GMPS: variants seen among roughly 807,000 people sequenced by gnomAD.
GMPS encodes the protein guanosine monophosphate synthase.
In GMPS, 15 loss-of-function variants were observed where a neutral mutation model predicts 77.9. The observed-to-expected ratio is 0.19, with a 90% CI of 0.13 to 0.30. GMPS has a LOEUF of 0.30. Among genes scored for constraint, GMPS ranks in the 10% least tolerant of loss-of-function variants. GMPS has a pLI of 1.00. For synonymous variants in GMPS, 224 were observed against 275.9 expected (o/e 0.81, Z 1.86); for missense variants, 590 against 838.8 (o/e 0.70, Z 3.66).
At chr3:155,904,833 T>A (rs921426010) in intron 4 of GMPS, among the ~76,000 whole-genome samples, 16 of 152,176 alleles carry the variant, frequency 1.1e-4, no homozygotes, top group Non-Finnish European at 1.9e-4. Context: ...GGTTAAGATT[T>A]GACATTTTTC....
chr3:155,910,896 T>A lies in GMPS; in HGVS notation c.720+11T>A. On this transcript the variant is annotated intron_variant, in intron 6 of 15. Transcript: ENST00000496455. ...ACGTCAAAAGTTTTGGTAAGCAAAT[T>A]ATTATCTGGAAGTCTACAAATTTAT... The A allele has an allele frequency of 6.5e-7, 1 of 1,533,998 alleles. No homozygotes were observed. The highest frequency in any genetic ancestry group is 8.9e-7 in the Non-Finnish European group (1 of 1,128,484).
At chr3:155,936,538 C>T (rs376990283) in intron 15 of GMPS, 28 bp downstream of exon 15, 32 of 1,303,168 alleles carry the variant, frequency 2.5e-5, no homozygotes, top group African/African-American at 2.0e-4. Context: ...TTCTAATGCA[C>T]GTTCTCAGTA....
intron 11 of GMPS, among the ~76,000 whole-genome samples, chr3:155,924,581 T>C (rs1284829538): frequency 1.3e-5 from 2 of 151,888 alleles, no homozygotes; most frequent in South Asian, 2.1e-4. Context: ...AAAGAGGAAA[T>C]AAATGAGCTG....
At chr3:155,897,689 A>G (rs1190336551) in intron 2 of GMPS, among the ~76,000 whole-genome samples, 2 of 152,258 alleles carry the variant, frequency 1.3e-5, no homozygotes, top group Admixed American at 6.5e-5. Flanking sequence ...GTTTGTGCTT[A>G]TTAACAAGTA....
At chr3:155,933,794 T>G (rs1304529156) in intron 13 of GMPS, among the ~76,000 whole-genome samples, 2 of 152,190 alleles carry the variant, frequency 1.3e-5, no homozygotes, top group African/African-American at 4.8e-5. Context: ...CCTGATTCCC[T>G]CTTGTTTTCT....
intron 1 of GMPS, among the ~76,000 whole-genome samples, chr3:155,893,297 A>C (rs1754518360): frequency 6.6e-6 from 1 of 152,246 alleles, no homozygotes; most frequent in African/African-American, 2.4e-5. Context: ...ATAGTCAATA[A>C]GTGGTAAGAT....
At chr3:155,874,601 A>T (rs1231052638) in intron 1 of GMPS, among the ~76,000 whole-genome samples, 1 of 152,132 alleles carries the variant, frequency 6.6e-6, no homozygotes, top group East Asian at 1.9e-4. Flanking sequence ...TGCTGCAGAC[A>T]AAAGGAATGG....
intron 4 of GMPS, 124 bp from the exon 5 acceptor site, chr3:155,906,036 T>C (rs1371226343): frequency 7.7e-6 from 4 of 522,562 alleles, no homozygotes; most frequent in Non-Finnish European, 1.3e-5. Context: ...CAGTATTCCA[T>C]TGTCACTTTT....
At chr3:155,919,081 T>C (rs1755255673) in intron 9 of GMPS, among the ~76,000 whole-genome samples, 152 bp from the exon 10 acceptor site, 2 of 152,226 alleles carry the variant, frequency 1.3e-5, no homozygotes, top group Admixed American at 1.3e-4. Context: ...TTATAGGCAC[T>C]TAGGAACAAA....
chr3:155,897,071 A>T (rs1453914106), intron 2 of GMPS, among the ~76,000 whole-genome samples: 2 of 152,028 alleles, frequency 1.3e-5, no homozygotes, highest in Non-Finnish European at 2.9e-5. Flanking sequence ...TTATGATTCC[A>T]ATTGGTTGTA....
chr3:155,932,277 AACACAC>A lies in GMPS; in HGVS notation c.1676+430_1676+435del, dbSNP rs10548751. ...CAGGTTACAGAATTACAAATAAAGTAACACACACACACACACACACACACACACACA... is the reference window on the plus strand; with the variant it reads ...CAGGTTACAGAATTACAAATAAAGTAACACACACACACACACACACACACA... On this transcript the variant is annotated intron_variant, in intron 13 of 15. Coordinates refer to ENST00000496455, the MANE Select transcript of GMPS (RefSeq NM_003875.3). Among the ~76,000 whole-genome samples, 423 of 141,218 alleles carry A rather than the reference AACACAC, an allele frequency of 3.0e-3. 2 individuals carry two copies. The highest frequency in any genetic ancestry group is 7.8e-3 in the African/African-American group (298 of 38,094). 92.6% of individuals were successfully genotyped at this position (141,218 alleles called of 152,430 possible).
chr3:155,915,356 G>A (rs1166519524), intron 8 of GMPS, among the ~76,000 whole-genome samples: 3 of 150,620 alleles, frequency 2.0e-5, no homozygotes, highest in Non-Finnish European at 4.4e-5. Context: ...TCCTGCCTCA[G>A]CCTCCCGAGT....
chr3:155,889,543 G>A (rs544836752), intron 1 of GMPS, among the ~76,000 whole-genome samples: 11 of 152,278 alleles, frequency 7.2e-5, no homozygotes, highest in East Asian at 3.9e-4. Context: ...TGCTTCCCAC[G>A]TAGGTGCTGT....
At chr3:155,871,756 C>G (rs982020410) in intron 1 of GMPS, among the ~76,000 whole-genome samples, 2 of 152,262 alleles carry the variant, frequency 1.3e-5, no homozygotes, top group African/African-American at 4.8e-5. Flanking sequence ...TCCGGAGTTC[C>G]GGAGTGCTGG....
In GMPS at chr3:155,883,776, G is replaced by C. The variant is rs143166698; in HGVS notation, c.28-9742G>C. The stretch of plus-strand genomic sequence containing the variant: ...GCAGAGTGAGTCAAGACAACTAAAG[G>C]TGAATGTAAGAAAAAACCCAAGGAG... On this transcript the variant is annotated intron_variant, in intron 1 of 15. Transcript: ENST00000496455. Among the ~76,000 whole-genome samples, 871 of 152,094 alleles carry C rather than the reference G, an allele frequency of 5.7e-3. 13 individuals carry two copies. The highest frequency in any genetic ancestry group is 0.02 in the African/African-American group (815 of 41,482).
intron 4 of GMPS, among the ~76,000 whole-genome samples, chr3:155,904,945 T>C (rs1754834789): frequency 6.6e-6 from 1 of 152,198 alleles, no homozygotes; most frequent in Non-Finnish European, 1.5e-5. Flanking sequence ...GACATTAATG[T>C]ACTTTATCTT....
In GMPS at chr3:155,910,737, C is replaced by T; in HGVS notation, c.572C>T (p.Pro191Leu). The T allele has an allele frequency of 1.9e-6, 3 of 1,608,930 alleles. No homozygotes were observed. Among genetic ancestry groups the T allele is most frequent in the Non-Finnish European group, 8.5e-7 (1 of 1,176,940 alleles). ...AAGTTATATGGAGCACAGTTCCACC[C>T]TGAAGTTGGCCTTACAGAAAATGGA... is the stretch of plus-strand genomic sequence containing the variant. ...SKKLYGAQFH[P>L]EVGLTENGKV... The change falls in exon 6 of 16, where the codon CCT becomes CTT. Residue 191 changes from proline (P) to leucine (L), a missense_variant. This residue lies in a region of GMPS where 136 missense variants were observed against 225.6 expected (regional missense o/e 0.60). Transcript: ENST00000496455.
chr3:155,904,482 G>T (rs1754821977), intron 4 of GMPS, among the ~76,000 whole-genome samples: 1 of 151,978 alleles, frequency 6.6e-6, no homozygotes, highest in African/African-American at 2.4e-5. Flanking sequence ...TAGAGACAGG[G>T]TGTCACTATA....
intron 9 of GMPS, among the ~76,000 whole-genome samples, chr3:155,917,398 C>G (rs891058264): frequency 3.3e-5 from 5 of 152,142 alleles, no homozygotes; most frequent in Admixed American, 6.5e-5. Flanking sequence ...ACAACTCTCC[C>G]TTTTTTCTGG....
Sources: gnomAD v4.1 joint callset for allele counts (sites outside exome capture counted in the v4.1 genomes callset) on GRCh38, gnomAD v4.1.1 for gene constraint, gnomAD v4.1.1 regional missense constraint, MANE v1.5 for transcripts, NCBI Gene and HGNC (gene_info 2026-07-23, HGNC 2026-07-21) for gene names.